DPP4: variants seen among roughly 807,000 people sequenced by gnomAD.
DPP4 encodes ADCP-2.
A neutral mutation model predicts 122.4 loss-of-function variants in DPP4; 93 were observed. The observed-to-expected ratio is 0.76, with a 90% CI of 0.64 to 0.90. The LOEUF (loss-of-function observed/expected upper bound fraction) is 0.90. Ranked by LOEUF, DPP4 falls within the 40% of genes least tolerant of loss-of-function variation. DPP4 has a pLI of 0.00. For synonymous variants in DPP4, 321 were observed against 302.9 expected, an observed-to-expected ratio of 1.06 and a Z score of -0.62; for missense variants, 914 against 907.3, an observed-to-expected ratio of 1.01 and a Z score of -0.09.
Position 162,039,203 on chromosome 2 carries a change from A to C in DPP4, c.367-19T>G. The C allele has an allele frequency of 6.2e-7, 1 of 1,610,570 alleles. No homozygotes were observed. The highest frequency in any genetic ancestry group is 1.3e-5 in the African/African-American group (1 of 74,944). On this transcript the variant is annotated intron_variant, in intron 5 of 25. Transcript: ENST00000360534. ...TCCATTGCTATGAAAGAAAACAGAC[A>C]TTTCAGGCTTCTGTGATACTTGATA... is the stretch of plus-strand genomic sequence containing the variant.
intron 8 of DPP4, 95 bp from the exon 9 acceptor site, chr2:162,035,419 G>A (rs1683734164): frequency 1.7e-6 from 2 of 1,165,292 alleles, no homozygotes; most frequent in African/African-American, 1.6e-5. Context: ...AGTAATTACA[G>A]TAGAGTTCAA....
At chr2:162,017,212 TA>T in intron 16 of DPP4, 57 bp from the exon 17 acceptor site, 2 of 1,453,664 alleles carry the variant, frequency 1.4e-6, no homozygotes, top group Non-Finnish European at 1.9e-6. Flanking sequence ...GAAAAGATAG[TA>T]TAGATGACTT....
chr2:162,064,406 G>A (rs935242103), intron 2 of DPP4, among the ~76,000 whole-genome samples: 1 of 151,862 alleles, frequency 6.6e-6, no homozygotes, highest in African/African-American at 2.4e-5. Context: ...GATTTTTTTT[G>A]CCCATGTTAG....
intron 18 of DPP4, among the ~76,000 whole-genome samples, chr2:162,015,031 T>C (rs1031098439): frequency 2.0e-5 from 3 of 152,230 alleles, no homozygotes; most frequent in African/African-American, 7.2e-5. Flanking sequence ...ACATTCTGTA[T>C]GATCTCCCAC....
intron 13 of DPP4, 98 bp from the exon 14 acceptor site, chr2:162,020,394 A>C: frequency 8.5e-7 from 1 of 1,173,682 alleles, no homozygotes; most frequent in Non-Finnish European, 1.2e-6. Flanking sequence ...CAGGAATTCA[A>C]ATAACCTTGG....
At chr2:162,016,970 T>A in intron 17 of DPP4, 104 bp from the exon 18 acceptor site, 3 of 1,391,978 alleles carry the variant, frequency 2.2e-6, no homozygotes, top group Non-Finnish European at 3.0e-6. Flanking sequence ...GGACTACACA[T>A]ACTTCAGGTT....
chr2:162,014,001 A>G (rs16846253), intron 19 of DPP4, among the ~76,000 whole-genome samples: 5,798 of 152,238 alleles, frequency 0.038, 322 homozygotes, highest in East Asian at 0.25. Context: ...TTCAGGAACT[A>G]AAGGAAGAGA....
intron 14 of DPP4, among the ~76,000 whole-genome samples, chr2:162,019,708 A>T (rs563469149): frequency 5.3e-5 from 8 of 152,248 alleles, no homozygotes; most frequent in African/African-American, 1.9e-4. Flanking sequence ...AGGGGCTTCA[A>T]AAGCTACTTC....
chr2:162,032,732 C>A (rs1683599588), intron 10 of DPP4, among the ~76,000 whole-genome samples: 1 of 151,202 alleles, frequency 6.6e-6, no homozygotes, highest in East Asian at 1.9e-4. Flanking sequence ...AGCAACAAAA[C>A]CAAATAAATA....
chr2:162,029,382 C>T (rs1236260676), intron 10 of DPP4, among the ~76,000 whole-genome samples: 1 of 152,220 alleles, frequency 6.6e-6, no homozygotes, highest in African/African-American at 2.4e-5. Flanking sequence ...AGCGGGCATA[C>T]TGCCAGTGCT....
At position 162,017,092 on chromosome 2, in the gene DPP4, A is replaced by C. The variant is rs1264203565; in HGVS notation, c.1468+16T>G. 1.1e-5 allele frequency: 18 copies of C among 1,609,298 alleles called. No homozygotes were observed. The South Asian group carries it at 2.0e-4, about 18-fold the overall frequency. On this transcript the variant is annotated intron_variant, in intron 17 of 25. Coordinates refer to ENST00000360534, the MANE Select transcript of DPP4 (RefSeq NM_001935.4). ...CTTTCTTAGAAACAAATGAAGAGTA[A>C]AATATGAGAAAATACCTTTATCATT...
At chr2:161,999,328 T>C (rs893062611) in intron 23 of DPP4, among the ~76,000 whole-genome samples, 24 of 152,182 alleles carry the variant, frequency 1.6e-4, no homozygotes, top group African/African-American at 5.3e-4. Context: ...TATTTTAACC[T>C]ACCAAAAGAG....
intron 15 of DPP4, among the ~76,000 whole-genome samples, 157 bp from the exon 16 acceptor site, chr2:162,019,007 G>A (rs1321056097): frequency 1.3e-5 from 2 of 151,666 alleles, no homozygotes; most frequent in African/African-American, 4.8e-5. Context: ...TGAATTAATA[G>A]TAACCTCAAA....
chr2:162,073,826 G>C lies in DPP4; in HGVS notation c.6+150C>G, dbSNP rs571129266. On this transcript the variant is annotated intron_variant, in intron 1 of 25. Transcript: ENST00000360534. Reference sequence around the variant, plus strand: ...GTCCGAAAGCTAAGCGAGAGCTCTGGGACGTCCCTTCACCTGTCAGAGGGT... The same window carrying C: ...GTCCGAAAGCTAAGCGAGAGCTCTGCGACGTCCCTTCACCTGTCAGAGGGT... 28 of 1,076,056 alleles carry C rather than the reference G, an allele frequency of 2.6e-5. No individual in the cohort carries two copies. The East Asian group carries it at 6.2e-4, about 24-fold the overall frequency. 66.7% of individuals were successfully genotyped at this position (1,076,056 alleles called of 1,614,324 possible).
At chr2:162,018,532 C>T (rs191543877) in intron 16 of DPP4, among the ~76,000 whole-genome samples, 197 bp downstream of exon 16, 7 of 152,182 alleles carry the variant, frequency 4.6e-5, no homozygotes, top group Admixed American at 2.6e-4. Context: ...TGAGTGTGTT[C>T]GGTCTAAGGC....
rs192554250 is a variant in DPP4 at position 162,009,203 on chromosome 2, C to G, written c.1887+38G>C. The G allele has an allele frequency of 1.8e-4, 291 of 1,603,062 alleles. 2 individuals are homozygous for G. In the Admixed American group the frequency reaches 4.8e-3, roughly 26 times the overall value. ...AGTAACCTGCTCTGAGTGATATTCA[C>G]TAACGAATGCATACAGATTCATCAG... On this transcript the variant is annotated intron_variant, in intron 21 of 25. Transcript: ENST00000360534.
At chr2:162,035,991 G>C (rs1683756173) in intron 8 of DPP4, among the ~76,000 whole-genome samples, 1 of 152,162 alleles carries the variant, frequency 6.6e-6, no homozygotes, top group Non-Finnish European at 1.5e-5. Context: ...TAAAAGACCA[G>C]ATCTTGCTTT....
At chr2:162,059,271 C>T (rs62189689) in intron 2 of DPP4, among the ~76,000 whole-genome samples, 149 of 152,174 alleles carry the variant, frequency 9.8e-4, no homozygotes, top group Non-Finnish European at 1.6e-3. Flanking sequence ...ATTATAGTCA[C>T]TCCCTCTTTT....
intron 11 of DPP4, 84 bp from the exon 12 acceptor site, chr2:162,022,883 A>C: frequency 7.4e-7 from 1 of 1,347,580 alleles, no homozygotes. Flanking sequence ...ATATAAATAG[A>C]GCTGTACTTA....
Sources: gnomAD v4.1 joint callset for allele counts (sites outside exome capture counted in the v4.1 genomes callset) on GRCh38, gnomAD v4.1.1 for gene constraint, MANE v1.5 for transcripts, NCBI Gene and HGNC (gene_info 2026-07-23, HGNC 2026-07-21) for gene names.